The following LRRC49 variants were observed in gnomAD, a reference collection of about 807,000 sequenced individuals.
LRRC49 encodes leucine rich repeat containing 49.
Under a neutral mutation model 83.3 loss-of-function variants are expected in LRRC49, and 50 were observed. The ratio of observed to expected loss-of-function variants is 0.60; its 90% CI spans 0.48 to 0.76. LRRC49 has a LOEUF of 0.76. LRRC49 is among the 30% of genes least tolerant of loss of function. The pLI, the probability that LRRC49 is intolerant of heterozygous loss-of-function variation, is 0.00. For synonymous variants in LRRC49, 286 were observed against 283.3 expected, an observed-to-expected ratio of 1.01 and a Z score of -0.10; for missense variants, 704 against 809.1, an observed-to-expected ratio of 0.87 and a Z score of 1.58.
At chr15:70,945,567 A>T (rs201529973) in intron 8 of LRRC49, among the ~76,000 whole-genome samples, 1 of 78,008 alleles carries the variant, frequency 1.3e-5, no homozygotes, top group African/African-American at 4.4e-5. Flanking sequence ...GTGTGTGTGT[A>T]TCTGTCTGTC....
rs895045933 is a variant in LRRC49 at position 70,987,961 on chromosome 15, C to A, written c.1169+3704C>A. 3.3e-4 allele frequency among the ~76,000 whole-genome samples: 50 copies of A among 152,198 alleles called. No homozygotes were observed. The South Asian group carries it at 5.4e-3, about 16-fold the overall frequency. On this transcript the variant is annotated intron_variant, in intron 11 of 15. Coordinates refer to ENST00000260382, the MANE Select transcript of LRRC49 (RefSeq NM_017691.5). Reference sequence around the variant, plus strand: ...TTGAGCGGTTTTGAGTGAGTTTCTTCATCCTGAGTTCTAGTTTGATTGCAC... The same window carrying A: ...TTGAGCGGTTTTGAGTGAGTTTCTTAATCCTGAGTTCTAGTTTGATTGCAC...
At chr15:70,889,549 G>C (rs941682239), upstream of LRRC49, among the ~76,000 whole-genome samples, 2 of 152,062 alleles carry the variant, frequency 1.3e-5, no homozygotes, top group Admixed American at 6.5e-5. Context: ...CTGTGTATTT[G>C]CTATAGTTCA....
intron 6 of LRRC49, among the ~76,000 whole-genome samples, chr15:70,916,389 G>A (rs62019096): frequency 1.2e-4 from 18 of 152,072 alleles, no homozygotes; most frequent in Non-Finnish European, 2.2e-4. Context: ...CTGCCTCCTG[G>A]GTTCAAGTGA....
chr15:70,863,412 A>G (rs1032545718), intron 1 of LRRC49, among the ~76,000 whole-genome samples: 37 of 152,250 alleles, frequency 2.4e-4, no homozygotes, highest in African/African-American at 8.4e-4. Context: ...CAAGGATATG[A>G]GAGCAAACAA....
chr15:70,973,587 G>A (rs964628068), intron 9 of LRRC49, among the ~76,000 whole-genome samples: 2 of 152,160 alleles, frequency 1.3e-5, no homozygotes, highest in African/African-American at 2.4e-5. Context: ...GCCCACAACC[G>A]CCACTTCCCC....
chr15:71,040,435 A>G (rs539490208), intron 15 of LRRC49, among the ~76,000 whole-genome samples: 2 of 152,278 alleles, frequency 1.3e-5, no homozygotes, highest in South Asian at 2.1e-4. Context: ...TTTTGCAGAC[A>G]TGATTAATAT....
chr15:70,898,305 A>G, intron 3 of LRRC49: 1 of 652,092 alleles, frequency 1.5e-6, no homozygotes, highest in East Asian at 2.7e-5. Context: ...ATAGATTTTC[A>G]ATTAAATCTT....
At chr15:71,025,689 T>A (rs2039144417) in intron 14 of LRRC49, among the ~76,000 whole-genome samples, 1 of 127,294 alleles carries the variant, frequency 7.9e-6, no homozygotes, top group Non-Finnish European at 1.7e-5. Flanking sequence ...GGAGGAAAAT[T>A]TACCAAGCAA....
chr15:70,856,665 C>T (rs1310205880), intron 1 of LRRC49, among the ~76,000 whole-genome samples: 2 of 152,184 alleles, frequency 1.3e-5, no homozygotes, highest in African/African-American at 4.8e-5. Flanking sequence ...CAGAAACCCT[C>T]ATTTGCACTA....
At chr15:70,946,340 GTA>G (rs2036007357) in intron 8 of LRRC49, among the ~76,000 whole-genome samples, 1 of 151,958 alleles carries the variant, frequency 6.6e-6, no homozygotes, top group Non-Finnish European at 1.5e-5. Context: ...AGATCATGTT[GTA>G]TTTGTTTTTC....
At chr15:70,921,273 C>A (rs1237479447) in intron 7 of LRRC49, among the ~76,000 whole-genome samples, 1 of 152,182 alleles carries the variant, frequency 6.6e-6, no homozygotes, top group Non-Finnish European at 1.5e-5. Context: ...CCAGGTGAAA[C>A]TGCCATTTCT....
chr15:70,938,547 A>G (rs549287824), intron 8 of LRRC49, among the ~76,000 whole-genome samples: 2 of 152,168 alleles, frequency 1.3e-5, no homozygotes, highest in South Asian at 2.1e-4. Context: ...TGGTATAGTG[A>G]ATATATTGGG....
intron 2 of LRRC49, among the ~76,000 whole-genome samples, chr15:70,895,261 A>T (rs1230734711): frequency 6.6e-6 from 1 of 152,168 alleles, no homozygotes; most frequent in Non-Finnish European, 1.5e-5. Flanking sequence ...ATTTTAGATC[A>T]GTTTTAGATC....
chr15:70,960,691 G>C lies in LRRC49; in HGVS notation c.774-3094G>C, dbSNP rs568442832. On this transcript the variant is annotated intron_variant, in intron 8 of 15. Coordinates refer to ENST00000260382, the MANE Select transcript of LRRC49 (RefSeq NM_017691.5). The stretch of plus-strand genomic sequence containing the variant: ...AAAGCAATTCAATAGAGAAAGGATA[G>C]TCTTTTCAGCAAATGGTAATGGAAC... 9.2e-5 allele frequency among the ~76,000 whole-genome samples: 14 copies of C among 152,204 alleles called. No individual in the cohort carries two copies. In the South Asian group the frequency reaches 2.3e-3, roughly 25 times the overall value.
intron 7 of LRRC49, among the ~76,000 whole-genome samples, chr15:70,927,836 T>TG (rs1188726864): frequency 5.3e-5 from 8 of 151,902 alleles, no homozygotes; most frequent in African/African-American, 1.9e-4. Context: ...TTTGTAGAGA[T>TG]GGGGTCTTGC....
At chr15:70,863,272 G>A (rs895697393) in intron 1 of LRRC49, among the ~76,000 whole-genome samples, 1 of 152,204 alleles carries the variant, frequency 6.6e-6, no homozygotes, top group Non-Finnish European at 1.5e-5. Flanking sequence ...AGAAATCTGT[G>A]TATTTAATAA....
chr15:70,972,460 T>A (rs1237721991), intron 9 of LRRC49, among the ~76,000 whole-genome samples: 2 of 152,186 alleles, frequency 1.3e-5, no homozygotes, highest in Non-Finnish European at 2.9e-5. Flanking sequence ...TGATTATGTG[T>A]CTTGAGGTTG....
chr15:71,001,993 CTATCTGCT>C (rs2038275819), intron 11 of LRRC49, among the ~76,000 whole-genome samples: 1 of 152,058 alleles, frequency 6.6e-6, no homozygotes. Flanking sequence ...GCCCGGCTGT[CTATCTGCT>C]ATTTTTATCT....
chr15:70,950,463 T>C (rs1056831709), intron 8 of LRRC49, among the ~76,000 whole-genome samples: 4 of 152,098 alleles, frequency 2.6e-5, no homozygotes, highest in South Asian at 4.1e-4. Context: ...ATTCTCCCTT[T>C]TCACCAGCGT....
Sources: allele counts gnomAD v4.1 joint callset (sites outside exome capture counted in the v4.1 genomes callset), GRCh38; gene constraint gnomAD v4.1.1; transcripts MANE v1.5; gene names NCBI Gene and HGNC (gene_info 2026-07-23, HGNC 2026-07-21).